The following MYO16 variants were observed in gnomAD, a reference collection of about 807,000 sequenced individuals.
The protein encoded by MYO16 is unconventional myosin-XVI.
A neutral mutation model predicts 205.3 loss-of-function variants in MYO16; 94 were observed. That is an observed-to-expected ratio of 0.46 (90% CI 0.39 to 0.54). MYO16 has a LOEUF of 0.54. Among genes scored for constraint, MYO16 ranks in the 20% least tolerant of loss-of-function variants. MYO16 has a pLI of 0.00. For synonymous variants in MYO16, 988 were observed against 954.0 expected, an observed-to-expected ratio of 1.04 and a Z score of -0.66; for missense variants, 2,315 against 2,387.5, an observed-to-expected ratio of 0.97 and a Z score of 0.63.
chr13:109,175,508 G>A (rs183747717), intron 33 of MYO16, among the ~76,000 whole-genome samples: 27 of 152,274 alleles, frequency 1.8e-4, no homozygotes, highest in Admixed American at 3.3e-4. Flanking sequence ...TAGGGTGGAC[G>A]CAGTTTCAGA....
At chr13:109,022,952 T>C (rs895259366) in intron 23 of MYO16, among the ~76,000 whole-genome samples, 3 of 131,194 alleles carry the variant, frequency 2.3e-5, no homozygotes, top group Non-Finnish European at 3.0e-5. Flanking sequence ...TATGTATACA[T>C]TTATATATTA....
At chr13:108,871,322 TTGTGTGTGTGTGTG>T (rs58117690) in intron 12 of MYO16, among the ~76,000 whole-genome samples, 2,949 of 131,564 alleles carry the variant, frequency 0.022, 90 homozygotes, top group African/African-American at 0.077. Context: ...CTATGTGACT[TTGTGTGTGTGTGTG>T]TGTGTGTGTG....
chr13:108,794,366 A>G (rs901769724), intron 6 of MYO16, among the ~76,000 whole-genome samples: 1 of 152,234 alleles, frequency 6.6e-6, no homozygotes, highest in African/African-American at 2.4e-5. Flanking sequence ...TTATGCCACT[A>G]CCCAATATCT....
the MYO16 span, among the ~76,000 whole-genome samples, chr13:108,519,989 TG>T: frequency 6.6e-6 from 1 of 152,174 alleles, no homozygotes; most frequent in East Asian, 1.9e-4. Context: ...ACTATAACCC[TG>T]GGGCCATCAG....
chr13:108,753,263 G>T (rs1885302097), intron 4 of MYO16, among the ~76,000 whole-genome samples: 1 of 151,028 alleles, frequency 6.6e-6, no homozygotes, highest in African/African-American at 2.4e-5. Flanking sequence ...CCAGCGACTT[G>T]GGAGGCTGAG....
At chr13:108,735,810 T>C (rs1884677244) in intron 4 of MYO16, among the ~76,000 whole-genome samples, 1 of 151,680 alleles carries the variant, frequency 6.6e-6, no homozygotes, top group Admixed American at 6.6e-5. Context: ...ACCTGTTGTT[T>C]CCTGACTTTT....
intron 34 of MYO16, among the ~76,000 whole-genome samples, chr13:109,197,253 T>G (rs1331593001): frequency 6.6e-6 from 1 of 152,186 alleles, no homozygotes; most frequent in Non-Finnish European, 1.5e-5. Flanking sequence ...AGCTTTCTAG[T>G]GTTTGAAAAA....
At chr13:109,098,106 T>A (rs906475034) in intron 27 of MYO16, among the ~76,000 whole-genome samples, 5 of 26,632 alleles carry the variant, frequency 1.9e-4, no homozygotes, top group Admixed American at 4.7e-4. Context: ...GTCAGCAAAT[T>A]CAGTATTCAG....
chr13:108,992,911 G>T (rs973827167), intron 21 of MYO16, among the ~76,000 whole-genome samples: 1 of 152,148 alleles, frequency 6.6e-6, no homozygotes, highest in African/African-American at 2.4e-5. Flanking sequence ...AGAGGCATGG[G>T]TTGTTTTTAA....
intron 23 of MYO16, among the ~76,000 whole-genome samples, chr13:109,023,329 A>C (rs187810852): frequency 0.046 from 3,182 of 69,328 alleles, 61 homozygotes; most frequent in Non-Finnish European, 0.064. Flanking sequence ...TATTATACAG[A>C]TATAAATATA....
At chr13:109,019,344 A>G (rs1885942532) in intron 22 of MYO16, among the ~76,000 whole-genome samples, 1 of 152,122 alleles carries the variant, frequency 6.6e-6, no homozygotes, top group African/African-American at 2.4e-5. Flanking sequence ...TTGTCTCATC[A>G]TTGGTATGGA....
At chr13:108,518,727 A>G in the MYO16 span, among the ~76,000 whole-genome samples, 1 of 152,214 alleles carries the variant, frequency 6.6e-6, no homozygotes, top group Non-Finnish European at 1.5e-5. Context: ...AGATATTTAA[A>G]AAAAATGTTG....
intron 34 of MYO16, among the ~76,000 whole-genome samples, chr13:109,180,170 ATTAC>A (rs1318957662): frequency 6.6e-6 from 1 of 152,176 alleles, no homozygotes; most frequent in Admixed American, 6.5e-5. Flanking sequence ...TTGGAGGTGC[ATTAC>A]TGATTGCATG....
intron 7 of MYO16, among the ~76,000 whole-genome samples, chr13:108,807,975 A>G (rs1165981540): frequency 2.6e-5 from 4 of 152,212 alleles, no homozygotes; most frequent in Admixed American, 6.5e-5. Context: ...GTCTATTGCA[A>G]TCTTTGGCTC....
chr13:108,609,628 C>T (rs573165343), intron 1 of MYO16, among the ~76,000 whole-genome samples: 4 of 151,980 alleles, frequency 2.6e-5, no homozygotes, highest in Admixed American at 1.3e-4. Context: ...CATTTGATAG[C>T]GTGGAAATTT....
intron 11 of MYO16, among the ~76,000 whole-genome samples, chr13:108,862,412 C>A (rs1181043547): frequency 1.3e-5 from 2 of 152,034 alleles, no homozygotes; most frequent in Non-Finnish European, 2.9e-5. Context: ...TGGCCCAAAC[C>A]CAAGGCTACC....
intron 16 of MYO16, among the ~76,000 whole-genome samples, chr13:108,912,771 G>A (rs936688404): frequency 4.6e-5 from 7 of 151,896 alleles, no homozygotes; most frequent in Non-Finnish European, 8.8e-5. Context: ...TCCTTCTAAC[G>A]AGCAACAGCT....
At chr13:108,753,056 GATA>G (rs1885292816) in intron 4 of MYO16, among the ~76,000 whole-genome samples, 4 of 151,728 alleles carry the variant, frequency 2.6e-5, no homozygotes, top group Admixed American at 2.6e-4. Flanking sequence ...TACTCAAAAA[GATA>G]ATAATGAAAA....
the MYO16 span, among the ~76,000 whole-genome samples, chr13:108,550,056 A>G: frequency 1.3e-5 from 2 of 152,246 alleles, no homozygotes; most frequent in African/African-American, 4.8e-5. Context: ...GCTGGCTGGC[A>G]GATCACACAA....
Sources: allele counts gnomAD v4.1 joint callset (sites outside exome capture counted in the v4.1 genomes callset), GRCh38; gene constraint gnomAD v4.1.1; transcripts MANE v1.5; gene names NCBI Gene and HGNC (gene_info 2026-07-23, HGNC 2026-07-21).